The following FSTL5 variants were observed in gnomAD, a reference collection of about 807,000 sequenced individuals.
FSTL5 encodes follistatin like 5.
FSTL5 carries 62 observed loss-of-function variants against 89.1 expected under a neutral mutation model. The ratio of observed to expected loss-of-function variants is 0.70; its 90% confidence interval spans 0.57 to 0.86. FSTL5 has a LOEUF of 0.86. FSTL5 is among the 40% of genes least tolerant of loss of function. The pLI, the probability that FSTL5 is intolerant of heterozygous loss-of-function variation, is 0.00. For synonymous variants in FSTL5, 383 were observed against 346.2 expected (o/e 1.11, Z -1.18); for missense variants, 1,057 against 1,001.6 (o/e 1.06, Z -0.75).
intron 3 of FSTL5, among the ~76,000 whole-genome samples, chr4:161,959,283 A>G (rs1189446480): frequency 6.6e-6 from 1 of 152,138 alleles, no homozygotes; most frequent in Non-Finnish European, 1.5e-5. Context: ...TCAAAGACAT[A>G]TATTTATTTT....
chr4:161,519,977 C>T (rs77555200), intron 10 of FSTL5, among the ~76,000 whole-genome samples: 14 of 152,052 alleles, frequency 9.2e-5, no homozygotes, highest in East Asian at 3.9e-4. Context: ...GGTTTTGCAG[C>T]CATATATATC....
chr4:161,757,831 C>A (rs1411910386), intron 6 of FSTL5, among the ~76,000 whole-genome samples: 1 of 152,044 alleles, frequency 6.6e-6, no homozygotes, highest in Non-Finnish European at 1.5e-5. Context: ...GTTGTCCAGG[C>A]TGGTCTCAAA....
chr4:161,729,440 G>A (rs1317269918), intron 6 of FSTL5, among the ~76,000 whole-genome samples: 3 of 152,004 alleles, frequency 2.0e-5, no homozygotes, highest in African/African-American at 7.3e-5. Context: ...TAAGCTTTAC[G>A]GGTTTTTAAA....
rs546227381 is a variant in FSTL5 at position 161,618,709 on chromosome 4, T to C, written c.895-31134A>G. On this transcript the variant is annotated intron_variant, in intron 7 of 15. Coordinates refer to ENST00000306100, the MANE Select transcript of FSTL5 (RefSeq NM_020116.5). ...ATGGTGGATAACCTTTTTGATGTGC[T>C]GCTGGATTCGTTTTGCCAGTATTTT... Among the ~76,000 whole-genome samples the C allele has an allele frequency of 1.6e-4, 24 of 152,324 alleles. No individual in the cohort carries two copies. In the South Asian group the frequency reaches 4.6e-3, roughly 29 times the overall value.
rs570707605 is a variant in FSTL5 at position 161,720,364 on chromosome 4, G to A, written c.727+39047C>T. On this transcript the variant is annotated intron_variant, in intron 6 of 15. Coordinates refer to ENST00000306100, the MANE Select transcript of FSTL5 (RefSeq NM_020116.5). ...AGCATTATTTTTTTTAAAAGATAAT[G>A]AGTGTTGGCAAGGATATGGAGAACA... Among the ~76,000 whole-genome samples, 3 of 152,170 alleles carry A rather than the reference G, an allele frequency of 2.0e-5. No homozygotes were observed. The South Asian group carries it at 6.2e-4, about 32-fold the overall frequency.
At chr4:161,703,032 C>T (rs1261204177) in intron 6 of FSTL5, among the ~76,000 whole-genome samples, 1 of 151,894 alleles carries the variant, frequency 6.6e-6, no homozygotes, top group Non-Finnish European at 1.5e-5. Flanking sequence ...TATGACATAA[C>T]AAAAGACAAC....
intron 10 of FSTL5, among the ~76,000 whole-genome samples, chr4:161,531,142 T>A (rs1036942518): frequency 6.6e-6 from 1 of 152,166 alleles, no homozygotes; most frequent in African/African-American, 2.4e-5. Flanking sequence ...GAAGCACATA[T>A]TTTTTGTCAT....
At chr4:161,727,937 C>T (rs562088658) in intron 6 of FSTL5, among the ~76,000 whole-genome samples, 123 of 152,218 alleles carry the variant, frequency 8.1e-4, no homozygotes, top group Admixed American at 1.9e-3. Flanking sequence ...GAGCCAAGTT[C>T]GCACCATTGC....
chr4:162,036,819 A>G (rs1737758328), intron 2 of FSTL5, among the ~76,000 whole-genome samples: 1 of 151,962 alleles, frequency 6.6e-6, no homozygotes. Flanking sequence ...AGATAGAATC[A>G]TTGACTTTAG....
chr4:161,959,895 C>A (rs1482597385), intron 3 of FSTL5, among the ~76,000 whole-genome samples: 1 of 152,072 alleles, frequency 6.6e-6, no homozygotes, highest in Non-Finnish European at 1.5e-5. Context: ...ATTCTGGGAG[C>A]AGTTTGCACA....
At chr4:161,674,926 A>G (rs1440512153) in intron 6 of FSTL5, among the ~76,000 whole-genome samples, 2 of 152,146 alleles carry the variant, frequency 1.3e-5, no homozygotes, top group African/African-American at 2.4e-5. Context: ...CTGGGGATGG[A>G]GAACCTCTCT....
At chr4:161,721,614 T>TC (rs1474183136) in intron 6 of FSTL5, among the ~76,000 whole-genome samples, 2 of 152,098 alleles carry the variant, frequency 1.3e-5, no homozygotes, top group Non-Finnish European at 2.9e-5. Context: ...CAAGCCAGGC[T>TC]CCCCCACTTC....
chr4:161,594,292 G>T (rs1157534229), intron 7 of FSTL5, among the ~76,000 whole-genome samples: 1 of 151,990 alleles, frequency 6.6e-6, no homozygotes, highest in African/African-American at 2.4e-5. Context: ...TGGCATTTGT[G>T]ATTGTTTATA....
In FSTL5 at chr4:161,811,878, A is replaced by T. The variant is rs570415279; in HGVS notation, c.410-35804T>A. Among the ~76,000 whole-genome samples, 15 of 152,306 alleles carry T rather than the reference A, an allele frequency of 9.8e-5. No individual in the cohort carries two copies. The South Asian group carries it at 2.9e-3, about 29-fold the overall frequency. On this transcript the variant is annotated intron_variant, in intron 4 of 15. Transcript: ENST00000306100. Reference sequence around the variant, plus strand: ...AAGCAGCCATTTCCAATCGGATCTCAGGTCTGCATGACTGAATACATATAG... The same window carrying T: ...AAGCAGCCATTTCCAATCGGATCTCTGGTCTGCATGACTGAATACATATAG...
intron 2 of FSTL5, among the ~76,000 whole-genome samples, chr4:162,087,632 T>G (rs962890736): frequency 6.6e-6 from 1 of 152,150 alleles, no homozygotes; most frequent in Non-Finnish European, 1.5e-5. Context: ...GGGGCATTTG[T>G]GTAATAAGCA....
intron 6 of FSTL5, among the ~76,000 whole-genome samples, chr4:161,732,953 A>C (rs982339208): frequency 1.5e-4 from 23 of 151,566 alleles, no homozygotes; most frequent in Admixed American, 4.6e-4. Flanking sequence ...TTTTTAAAAT[A>C]ACTTTGGTTA....
At chr4:161,598,775 T>C (rs949003826) in intron 7 of FSTL5, among the ~76,000 whole-genome samples, 20 of 152,082 alleles carry the variant, frequency 1.3e-4, no homozygotes, top group Admixed American at 9.8e-4. Flanking sequence ...TAGATAAGTT[T>C]AGACATATAG....
chr4:161,461,293 A>ATAC (rs1733566860), intron 13 of FSTL5, among the ~76,000 whole-genome samples: 1 of 128,484 alleles, frequency 7.8e-6, no homozygotes, highest in Non-Finnish European at 1.6e-5. Context: ...AAATACAAAA[A>ATAC]AAACAAACAA....
intron 2 of FSTL5, among the ~76,000 whole-genome samples, chr4:162,066,381 TTCTTCTTCA>T: frequency 1.4e-5 from 2 of 139,182 alleles, no homozygotes; most frequent in Non-Finnish European, 3.1e-5. Context: ...CTCCTTCTTC[TTCTTCTTCA>T]TTTTCCTTTT....
Sources: allele counts gnomAD v4.1 joint callset (sites outside exome capture counted in the v4.1 genomes callset), GRCh38; gene constraint gnomAD v4.1.1; transcripts MANE v1.5; gene names NCBI Gene and HGNC (gene_info 2026-07-23, HGNC 2026-07-21).